The following NSUN7 variants were observed in gnomAD, a reference collection of about 807,000 sequenced individuals.
NSUN7 encodes the protein NOP2/Sun RNA methyltransferase family member 7, also known as protein NSUN7.
In NSUN7, 39 loss-of-function variants were observed where a neutral mutation model predicts 58.5. The ratio of observed to expected loss-of-function variants is 0.67; its 90% CI spans 0.52 to 0.87. The LOEUF (loss-of-function observed/expected upper bound fraction) is 0.87. Ranked by LOEUF, NSUN7 falls within the 40% of genes least tolerant of loss-of-function variation. NSUN7 has a pLI of 0.00. For missense variants in NSUN7, 765 were observed against 844.1 expected, an observed-to-expected ratio of 0.91 and a Z score of 1.16; for synonymous variants, 278 against 303.7, an observed-to-expected ratio of 0.92 and a Z score of 0.88.
chr4:40,795,793 A>T (rs1490351390), intron 9 of NSUN7, among the ~76,000 whole-genome samples: 2 of 152,228 alleles, frequency 1.3e-5, no homozygotes, highest in African/African-American at 4.8e-5. Flanking sequence ...CTGTCATGGG[A>T]TTAGAGTAAA....
chr4:40,802,338 AT>A (rs147476272), intron 10 of NSUN7, among the ~76,000 whole-genome samples: 41,735 of 151,504 alleles, frequency 0.28, 6,093 homozygotes, highest in Non-Finnish European at 0.32. Flanking sequence ...CAAATTTTAT[AT>A]TTTTTTTTGT....
At chr4:40,770,173 G>C (rs1741929166) in intron 4 of NSUN7, among the ~76,000 whole-genome samples, 1 of 141,824 alleles carries the variant, frequency 7.1e-6, no homozygotes, top group African/African-American at 2.7e-5. Flanking sequence ...TCATGCCACT[G>C]CACTGCAGCC....
At chr4:40,754,550 A>G (rs1022928271) in intron 2 of NSUN7, among the ~76,000 whole-genome samples, 2 of 152,242 alleles carry the variant, frequency 1.3e-5, no homozygotes, top group Non-Finnish European at 2.9e-5. Flanking sequence ...GATATTTTGT[A>G]AACTTACATC....
At chr4:40,804,574 A>C (rs1743738761) in intron 10 of NSUN7, among the ~76,000 whole-genome samples, 1 of 152,108 alleles carries the variant, frequency 6.6e-6, no homozygotes, top group African/African-American at 2.4e-5. Flanking sequence ...TACATTTTCC[A>C]ATTTTCTATT....
intron 2 of NSUN7, 86 bp from the exon 3 acceptor site, chr4:40,760,348 A>G (rs2154286718): frequency 1.1e-6 from 1 of 914,310 alleles, no homozygotes; most frequent in South Asian, 1.4e-5. Flanking sequence ...AATGTATTTT[A>G]TGGCATTATT....
At chr4:40,753,309 C>T (rs142798737) in intron 2 of NSUN7, among the ~76,000 whole-genome samples, 2,481 of 149,650 alleles carry the variant, frequency 0.017, 67 homozygotes, top group African/African-American at 0.058. Context: ...CAGAGTCTCA[C>T]TCTGTCACCC....
chr4:40,754,766 A>G (rs1427731839), intron 2 of NSUN7, among the ~76,000 whole-genome samples: 1 of 152,218 alleles, frequency 6.6e-6, no homozygotes, highest in East Asian at 1.9e-4. Context: ...GAGAAGAAAA[A>G]CAATAACAGA....
At position 40,750,619 on chromosome 4, in the gene NSUN7, G is replaced by A; in HGVS notation, c.-75G>A. The A allele has an allele frequency of 6.6e-7, 1 of 1,525,906 alleles. No homozygotes were observed. The highest frequency in any genetic ancestry group is 8.9e-7 in the Non-Finnish European group (1 of 1,118,630). 94.5% of individuals were successfully genotyped at this position (1,525,906 alleles called of 1,614,324 possible). A position where few individuals can be genotyped will look rare whatever the true frequency, so the allele number is the denominator to read the frequency against. On this transcript the variant is annotated 5_prime_UTR_variant, in exon 2 of 12. It removes an upstream start codon present in the reference 5' UTR. Transcript: ENST00000381782. ...TCTTCACAGAGACCATGCTGCAGAT[G>A]CGAGGAAAGCCGTTTCCTGGAACAT...
At chr4:40,758,128 C>T (rs1741267412) in intron 2 of NSUN7, among the ~76,000 whole-genome samples, 1 of 152,006 alleles carries the variant, frequency 6.6e-6, no homozygotes, top group African/African-American at 2.4e-5. Context: ...CCATGTTAGC[C>T]AGGCTGGCCT....
At chr4:40,756,831 C>G (rs536944208) in intron 2 of NSUN7, among the ~76,000 whole-genome samples, 2 of 152,172 alleles carry the variant, frequency 1.3e-5, no homozygotes, top group Middle Eastern at 6.8e-3. Flanking sequence ...ACTTTTTCCC[C>G]TTTACCATGA....
At chr4:40,786,433 A>G in intron 7 of NSUN7, 2 of 1,612,066 alleles carry the variant, frequency 1.2e-6, no homozygotes, top group Non-Finnish European at 1.7e-6. Flanking sequence ...TGTCGAAAGG[A>G]TGGAAGAAGC....
intron 4 of NSUN7, among the ~76,000 whole-genome samples, chr4:40,764,250 C>G (rs937119965): frequency 1.5e-5 from 2 of 131,424 alleles, no homozygotes; most frequent in Admixed American, 8.4e-5. Flanking sequence ...ACAACAGTCC[C>G]CAGAGTGTGA....
chr4:40,788,703 G>A (rs1044746606), intron 7 of NSUN7, among the ~76,000 whole-genome samples: 1 of 152,176 alleles, frequency 6.6e-6, no homozygotes, highest in South Asian at 2.1e-4. Flanking sequence ...TCCTGGCAGT[G>A]TTCACCACAG....
At chr4:40,766,895 G>A (rs1373125253) in intron 4 of NSUN7, among the ~76,000 whole-genome samples, 6 of 149,932 alleles carry the variant, frequency 4.0e-5, no homozygotes, top group Non-Finnish European at 1.5e-5. Context: ...ATTCTCTGAT[G>A]GTAGTTTGTA....
intron 4 of NSUN7, among the ~76,000 whole-genome samples, chr4:40,766,609 G>A (rs1741741236): frequency 6.6e-6 from 1 of 152,184 alleles, no homozygotes; most frequent in Non-Finnish European, 1.5e-5. Context: ...AATGAGTTAG[G>A]GAGGATTCCC....
chr4:40,788,475 T>C (rs1451064313), intron 7 of NSUN7, among the ~76,000 whole-genome samples: 3 of 151,908 alleles, frequency 2.0e-5, no homozygotes, highest in African/African-American at 7.3e-5. Flanking sequence ...AGAAAGCAAG[T>C]TGAGGAACTG....
At chr4:40,802,984 T>C (rs1743655390) in intron 10 of NSUN7, among the ~76,000 whole-genome samples, 1 of 133,362 alleles carries the variant, frequency 7.5e-6, no homozygotes, top group Non-Finnish European at 1.5e-5. Flanking sequence ...CCCCTTCCTG[T>C]GTCCATGTGT....
intron 10 of NSUN7, among the ~76,000 whole-genome samples, chr4:40,799,577 A>G (rs1356836850): frequency 1.3e-5 from 2 of 152,186 alleles, no homozygotes; most frequent in Admixed American, 6.5e-5. Context: ...TTAATGATTA[A>G]TCTATAGCAT....
At chr4:40,783,669 G>A (rs576180278) in intron 7 of NSUN7, among the ~76,000 whole-genome samples, 2 of 152,088 alleles carry the variant, frequency 1.3e-5, no homozygotes, top group African/African-American at 2.4e-5. Context: ...CCAACATGAC[G>A]AAACCCTGTC....
Sources: allele counts gnomAD v4.1 joint callset (sites outside exome capture counted in the v4.1 genomes callset), GRCh38; gene constraint gnomAD v4.1.1; transcripts MANE v1.5; gene names NCBI Gene and HGNC (gene_info 2026-07-23, HGNC 2026-07-21).